Variants in SRD5A1 observed in about 807,000 individuals in gnomAD.
SRD5A1 encodes the protein steroid 5 alpha-reductase 1.
In SRD5A1, 22 loss-of-function variants were observed where a neutral mutation model predicts 28.2. That is an observed-to-expected ratio of 0.78 (90% CI 0.56 to 1.12). The LOEUF is 1.12. Ranked by LOEUF, SRD5A1 falls within the 50% of genes most tolerant of loss-of-function variation. The pLI is 0.00. For synonymous variants in SRD5A1, 151 were observed against 135.0 expected, an observed-to-expected ratio of 1.12 and a Z score of -0.82; for missense variants, 300 against 346.7, an observed-to-expected ratio of 0.87 and a Z score of 1.07.
chr5:6,663,368 G>A (rs1464630770), intron 4 of SRD5A1, among the ~76,000 whole-genome samples: 2 of 152,346 alleles, frequency 1.3e-5, no homozygotes, highest in East Asian at 3.9e-4. Flanking sequence ...AGAGCCCAGC[G>A]ACACTGGCAG....
rs1194750666 is a variant in SRD5A1 at position 6,673,745 on chromosome 5, C to A, written c.*5477C>A. On this transcript the variant is annotated 3_prime_UTR_variant, in exon 5 of 5. Transcript: ENST00000274192. ...CCAATTCTATTTCTATGAGGAAAAT[C>A]TATTCATACAATAGAATACTAGTGT... The A allele has an allele frequency of 6.6e-6, 1 of 152,062 alleles. No individual in the cohort carries two copies. The highest frequency in any genetic ancestry group is 2.4e-5 in the African/African-American group (1 of 41,382). The allele number at this position is 152,062 out of a possible 1,614,324, so 9.4% of individuals were successfully genotyped here. A position where few individuals can be genotyped will look rare whatever the true frequency, so the allele number is the denominator to read the frequency against.
At chr5:6,640,027 T>C (rs1161652542) in intron 1 of SRD5A1, among the ~76,000 whole-genome samples, 2 of 152,234 alleles carry the variant, frequency 1.3e-5, no homozygotes, top group Non-Finnish European at 2.9e-5. Context: ...TCTGACTTAA[T>C]AGAAACACTT....
intron 3 of SRD5A1, among the ~76,000 whole-genome samples, chr5:6,659,835 G>A (rs879897333): frequency 1.3e-5 from 2 of 152,056 alleles, no homozygotes; most frequent in African/African-American, 4.8e-5. Flanking sequence ...GGTGTAGGGA[G>A]TCTGAGTGCT....
chr5:6,642,557 A>G (rs1178817173), intron 1 of SRD5A1, among the ~76,000 whole-genome samples: 2 of 152,240 alleles, frequency 1.3e-5, no homozygotes, highest in South Asian at 2.1e-4. Context: ...TTTTAATAGC[A>G]TGGAAAGTAC....
chr5:6,633,614 T>G lies in SRD5A1; in HGVS notation c.38T>G (p.Leu13Arg). The G allele has an allele frequency of 1.3e-6, 2 of 1,528,858 alleles. No homozygotes were observed. The allele number at this position is 1,528,858 out of a possible 1,614,324, so 94.7% of individuals were successfully genotyped here. The change falls in exon 1 of 5, where the codon CTG (leucine) becomes CGG (arginine). Residue 13 changes from leucine to arginine, a missense_variant. Physicochemically the swap from Leu to Arg is moderately radical, Grantham distance 102. Transcript: ENST00000274192. ...ACGGGGGTGGCGGAGGAGCGCCTGC[T>G]GGCCGCGCTCGCCTACCTGCAGTGC... ...TATGVAEERL[L>R]AALAYLQCAV... is the part of the protein sequence containing the mutation.
chr5:6,636,987 G>A (rs982335851), intron 1 of SRD5A1, among the ~76,000 whole-genome samples: 2 of 152,262 alleles, frequency 1.3e-5, no homozygotes, highest in East Asian at 1.9e-4. Flanking sequence ...CCCCAGGAGG[G>A]CAAAGGACAT....
chr5:6,648,183 A>T (rs1361227919), intron 1 of SRD5A1, among the ~76,000 whole-genome samples: 1 of 152,176 alleles, frequency 6.6e-6, no homozygotes, highest in Non-Finnish European at 1.5e-5. Flanking sequence ...ATGGGTAACC[A>T]GCCCTTTCTC....
intron 2 of SRD5A1, among the ~76,000 whole-genome samples, chr5:6,654,563 G>A (rs763675226): frequency 1.2e-4 from 18 of 152,264 alleles, no homozygotes; most frequent in Middle Eastern, 3.4e-3. Context: ...CCTCAGAGTA[G>A]CTGGGATTAC....
intron 1 of SRD5A1, among the ~76,000 whole-genome samples, chr5:6,645,620 C>G (rs1218771091): frequency 7.0e-6 from 1 of 142,634 alleles, no homozygotes; most frequent in African/African-American, 2.7e-5. Flanking sequence ...GCCTGGACCA[C>G]AAGAGCGAAA....
intron 2 of SRD5A1, among the ~76,000 whole-genome samples, chr5:6,655,452 G>A (rs773611359): frequency 1.4e-4 from 22 of 152,356 alleles, no homozygotes; most frequent in Non-Finnish European, 2.5e-4. Flanking sequence ...AGGCGGCCAC[G>A]GGAGACTCTT....
At chr5:6,644,903 A>G (rs248805) in intron 1 of SRD5A1, 244,224 of 455,610 alleles carry the variant, frequency 0.54, 66,785 homozygotes, top group African/African-American at 0.67. Context: ...TGATTCCAAG[A>G]CGCAGAGAGA....
chr5:6,666,826 C>T (rs1357436379), intron 4 of SRD5A1, among the ~76,000 whole-genome samples: 7 of 152,152 alleles, frequency 4.6e-5, no homozygotes, highest in East Asian at 1.9e-4. Flanking sequence ...CGGCATCCTG[C>T]GGCAGTCCTG....
rs138783249 is a variant in SRD5A1, at chr5:6,633,830, G to T, written c.254G>T (p.Cys85Phe). The T allele has an allele frequency of 3.1e-5, 49 of 1,597,672 alleles. No homozygotes were observed. The highest frequency in any genetic ancestry group is 3.6e-5 in the Non-Finnish European group (43 of 1,179,630). ...CCGCGTCTCCGCAGCGCGCCCAACT[G>T]CATCCTCCTGGCCATGTTCCTCGTC... is the stretch of plus-strand genomic sequence containing the variant. ...SAPRLRSAPN[C>F]ILLAMFLVHY... The change falls in exon 1 of 5, where the codon TGC (cysteine) becomes TTC (phenylalanine). Residue 85 changes from cysteine to phenylalanine, a missense_variant. By Grantham distance (205) the Cys-to-Phe change is radical (BLOSUM62 -2). Transcript: ENST00000274192.
At position 6,663,768 on chromosome 5, in the gene SRD5A1, G is replaced by A. The variant is rs576368855; in HGVS notation, c.713+802G>A. Among the ~76,000 whole-genome samples, 18 of 152,184 alleles carry A rather than the reference G, an allele frequency of 1.2e-4. No individual in the cohort carries two copies. The South Asian group carries it at 2.3e-3, about 19-fold the overall frequency. ...CCAGCTACTCGGGAGGCTGAGGTACGAGAATCCCTTGAACCTGGGAGGTGG... is the reference window on the plus strand; with the variant it reads ...CCAGCTACTCGGGAGGCTGAGGTACAAGAATCCCTTGAACCTGGGAGGTGG... On this transcript the variant is annotated intron_variant, in intron 4 of 4. Coordinates refer to ENST00000274192, the MANE Select transcript of SRD5A1 (RefSeq NM_001047.4).
chr5:6,654,536 C>G (rs901937962), intron 2 of SRD5A1, among the ~76,000 whole-genome samples: 1 of 152,156 alleles, frequency 6.6e-6, no homozygotes, highest in African/African-American at 2.4e-5. Context: ...CAGGCTCAAG[C>G]AATTCTTGTG....
intron 1 of SRD5A1, chr5:6,645,073 A>C (rs1409349019): frequency 2.2e-6 from 1 of 446,770 alleles, no homozygotes; most frequent in Admixed American, 2.4e-5. Context: ...TCCTGGCCTG[A>C]ATGAGATGAG....
At position 6,672,206 on chromosome 5, in the gene SRD5A1, A is replaced by G. The variant is rs1739381647; in HGVS notation, c.*3938A>G. On this transcript the variant is annotated 3_prime_UTR_variant, in exon 5 of 5. Coordinates refer to ENST00000274192, the MANE Select transcript of SRD5A1 (RefSeq NM_001047.4). ...ATTCCAATAATCAATGTCAAACTAG[A>G]TATTGAAACAGCCCAAGTGTCCTGG... 1 of 152,138 alleles carries G rather than the reference A, an allele frequency of 6.6e-6. No homozygotes were observed. The highest frequency in any genetic ancestry group is 2.4e-5 in the African/African-American group (1 of 41,426). The allele number at this position is 152,138 out of a possible 1,614,324, so 9.4% of individuals were successfully genotyped here.
intron 3 of SRD5A1, 103 bp from the exon 4 acceptor site, chr5:6,662,713 C>T (rs1237798234): frequency 1.2e-5 from 15 of 1,272,080 alleles, no homozygotes; most frequent in Middle Eastern, 5.6e-4. Context: ...AATATTTTTC[C>T]GTTCTTGAAT....
intron 1 of SRD5A1, among the ~76,000 whole-genome samples, chr5:6,636,336 C>T (rs1256605604): frequency 1.3e-5 from 2 of 152,136 alleles, no homozygotes; most frequent in African/African-American, 2.4e-5. Flanking sequence ...CTGCAGAGAA[C>T]GGAGAACACC....
Sources: allele counts gnomAD v4.1 joint callset (sites outside exome capture counted in the v4.1 genomes callset), GRCh38; gene constraint gnomAD v4.1.1; transcripts MANE v1.5; gene names NCBI Gene and HGNC (gene_info 2026-07-23, HGNC 2026-07-21).